The following CUL9 variants were observed in gnomAD, a reference collection of about 807,000 sequenced individuals.
CUL9 encodes the protein cullin-9.
In CUL9, 79 loss-of-function variants were observed where a neutral mutation model predicts 272.6. The observed-to-expected ratio is 0.29, with a 90% CI of 0.24 to 0.35. The LOEUF (loss-of-function observed/expected upper bound fraction) is 0.35. Among genes scored for constraint, CUL9 ranks in the 10% least tolerant of loss-of-function variants. The probability of loss-of-function intolerance (pLI) is 1.00; values close to 1 mark genes in which losing one functional copy is unlikely to be tolerated. For synonymous variants in CUL9, 1,186 were observed against 1,286.5 expected (o/e 0.92, Z 1.67); for missense variants, 2,532 against 3,255.6 (o/e 0.78, Z 5.41).
intron 8 of CUL9, among the ~76,000 whole-genome samples, chr6:43,189,616 T>C (rs988318950): frequency 6.6e-6 from 1 of 152,162 alleles, no homozygotes; most frequent in Non-Finnish European, 1.5e-5. Flanking sequence ...TGATCTTGGC[T>C]CACTGCAACC....
At position 43,221,052 on chromosome 6, in the gene CUL9, T is replaced by C; in HGVS notation, c.6589-106T>C. On this transcript the variant is annotated intron_variant, in intron 33 of 40. Transcript: ENST00000252050. The surrounding 1 kb of genome is among the most constrained non-coding windows in gnomAD (Gnocchi z 4.2). ...CCCAGTTGAGCTCTGTTCCTCTTCCTGGAGCCCTCCAAATGTGATCTGTGC... is the reference window on the plus strand; with the variant it reads ...CCCAGTTGAGCTCTGTTCCTCTTCCCGGAGCCCTCCAAATGTGATCTGTGC... 6.7e-7 allele frequency: 1 copy of C among 1,483,028 alleles called. No individual in the cohort carries two copies. Among genetic ancestry groups the C allele is most frequent in the Non-Finnish European group, 9.0e-7 (1 of 1,104,982 alleles). 91.9% of individuals were successfully genotyped at this position (1,483,028 alleles called of 1,614,324 possible). A position where few individuals can be genotyped will look rare whatever the true frequency, so the allele number is the denominator to read the frequency against.
chr6:43,217,998 G>A (rs899771500), intron 31 of CUL9, among the ~76,000 whole-genome samples: 13 of 152,118 alleles, frequency 8.5e-5, no homozygotes, highest in Non-Finnish European at 1.5e-5. Flanking sequence ...GACACTCAGA[G>A]GTGAAGTAAT....
In CUL9 at chr6:43,221,546, AGGGCT is replaced by A; in HGVS notation, c.6753-135_6753-131del. 1 of 888,184 alleles carries A rather than the reference AGGGCT, an allele frequency of 1.1e-6. No homozygotes were observed. The highest frequency in any genetic ancestry group is 1.7e-6 in the Non-Finnish European group (1 of 584,724). 55.0% of individuals were successfully genotyped at this position (888,184 alleles called of 1,614,324 possible). ...GTTCAAAAGCAGAGGTGCATTCAGC[AGGGCT>A]GGGTATGACTAAGGAGACTATCAGG... On this transcript the variant is annotated intron_variant, in intron 34 of 40. Transcript: ENST00000252050. The surrounding 1 kb of genome is among the most constrained non-coding windows in gnomAD (Gnocchi z 4.2).
chr6:43,187,154 T>G, intron 5 of CUL9, 59 bp downstream of exon 5: 1 of 1,606,278 alleles, frequency 6.2e-7, no homozygotes. Context: ...GTGACTGGGA[T>G]GAAGCCACTT....
In CUL9 at chr6:43,188,659, T is replaced by C; in HGVS notation, c.2124T>C (p.Ala708=). ...QLSGLSALSQ[A]VEEVTERDHP... Reference sequence around the variant, plus strand: ...CAGGGCTCTCTGCCCTCTCTCAGGCTGTGGAGGAGGTCACTGAGCGGGACC... The same window carrying C: ...CAGGGCTCTCTGCCCTCTCTCAGGCCGTGGAGGAGGTCACTGAGCGGGACC... The change falls in exon 8 of 41, where the codon GCT becomes GCC. Residue 708 remains alanine, a synonymous_variant. Transcript: ENST00000252050. The C allele has an allele frequency of 6.2e-7, 1 of 1,614,126 alleles. No individual in the cohort carries two copies. Among genetic ancestry groups the C allele is most frequent in the Non-Finnish European group, 8.5e-7 (1 of 1,180,018 alleles).
chr6:43,205,866 G>T, intron 24 of CUL9, 141 bp from the exon 25 acceptor site: 1 of 650,538 alleles, frequency 1.5e-6, no homozygotes, highest in Non-Finnish European at 2.6e-6. Context: ...GTCATGCATT[G>T]GTGGAAAGGG....
In CUL9 at chr6:43,223,587, C is replaced by T; in HGVS notation, c.7284+190C>T. ...CTGATGCTGCTGGACCCTATCACTT[C>T]ACCTCCTGGGGATTCCTACAAAATA... On this transcript the variant is annotated intron_variant, in intron 39 of 40. Coordinates refer to ENST00000252050, the MANE Select transcript of CUL9 (RefSeq NM_015089.4). This position sits in a 1 kb window ranked among gnomAD's most constrained non-coding sequence, Gnocchi z 4.1. 5 of 688,782 alleles carry T rather than the reference C, an allele frequency of 7.3e-6. No individual in the cohort carries two copies. In the South Asian group the frequency reaches 1.0e-4, roughly 14 times the overall value. 42.7% of individuals were successfully genotyped at this position (688,782 alleles called of 1,614,324 possible). A position where few individuals can be genotyped will look rare whatever the true frequency, so the allele number is the denominator to read the frequency against.
At chr6:43,198,306 G>C (rs1774192909) in intron 11 of CUL9, 1 of 980,454 alleles carries the variant, frequency 1.0e-6, no homozygotes, top group African/African-American at 1.7e-5. Context: ...AGGTAGTACA[G>C]GGATATAATC....
Position 43,203,764 on chromosome 6 carries a change from CAG to C in CUL9, c.4026-89_4026-88del, listed in dbSNP as rs751634556. 143 of 1,535,848 alleles carry C rather than the reference CAG, an allele frequency of 9.3e-5. No individual in the cohort carries two copies. The highest frequency in any genetic ancestry group is 4.8e-4 in the Middle Eastern group (2 of 4,140). The stretch of plus-strand genomic sequence containing the variant: ...GGGAAAAGTTGGGTCAGGGACCGAA[CAG>C]GGGTGATTGGGAGCTGATCTGCACT... On this transcript the variant is annotated intron_variant, in intron 19 of 40. Coordinates refer to ENST00000252050, the MANE Select transcript of CUL9 (RefSeq NM_015089.4). The surrounding 1 kb of genome is among the most constrained non-coding windows in gnomAD (Gnocchi z 5.0).
intron 24 of CUL9, 48 bp downstream of exon 24, chr6:43,205,471 G>C: frequency 6.3e-7 from 1 of 1,587,680 alleles, no homozygotes; most frequent in Non-Finnish European, 8.6e-7. Context: ...TAGATCTAGA[G>C]AGTGGAAAGA....
In CUL9 at chr6:43,184,237, C is replaced by G; in HGVS notation, c.-9-65C>G. The G allele has an allele frequency of 1.6e-6, 2 of 1,243,336 alleles. No homozygotes were observed. Among genetic ancestry groups the G allele is most frequent in the Admixed American group, 3.2e-5 (1 of 30,976 alleles). 77.0% of individuals were successfully genotyped at this position (1,243,336 alleles called of 1,614,324 possible). ...CCCACCTTCTCTGTGTCTCAAGATT[C>G]CACCCCCTCCATGTATTTTTTTTCT... On this transcript the variant is annotated intron_variant, in intron 1 of 40. Transcript: ENST00000252050. This position sits in a 1 kb window ranked among gnomAD's most constrained non-coding sequence, Gnocchi z 4.8.
intron 21 of CUL9, 90 bp from the exon 22 acceptor site, chr6:43,204,658 A>G: frequency 6.3e-7 from 1 of 1,578,456 alleles, no homozygotes; most frequent in Non-Finnish European, 8.7e-7. Context: ...CCTGAGACCT[A>G]CTGGCCTTTC....
At chr6:43,201,675 T>G (rs1183669993) in intron 16 of CUL9, among the ~76,000 whole-genome samples, 1 of 152,102 alleles carries the variant, frequency 6.6e-6, no homozygotes, top group East Asian at 1.9e-4. Flanking sequence ...GAGACGGGGT[T>G]TCACCGTGTT....
chr6:43,202,947 A>AG, intron 17 of CUL9, 126 bp downstream of exon 17: 3 of 1,208,594 alleles, frequency 2.5e-6, no homozygotes, highest in Non-Finnish European at 3.6e-6. Flanking sequence ...TTGCCTTGTA[A>AG]GCAGTGAGAG....
rs1776356896 is a variant in CUL9, at chr6:43,221,415, C to A, written c.6752+94C>A. On this transcript the variant is annotated intron_variant, in intron 34 of 40. Transcript: ENST00000252050. The surrounding 1 kb of genome is among the most constrained non-coding windows in gnomAD (Gnocchi z 4.2). ...GGAACGGGCTTAGTGTAAAGCTCAG[C>A]AAAAGAGGGTGGTTCCTCAGCCGCC... The A allele has an allele frequency of 5.6e-6, 8 of 1,418,620 alleles. No individual in the cohort carries two copies. The South Asian group carries it at 9.3e-5, about 17-fold the overall frequency. The allele number at this position is 1,418,620 out of a possible 1,614,324, so 87.9% of individuals were successfully genotyped here. A position where few individuals can be genotyped will look rare whatever the true frequency, so the allele number is the denominator to read the frequency against.
Position 43,206,182 on chromosome 6 carries a change from A to C in CUL9, c.4969A>C (p.Lys1657Gln). ...CCTCTTCCAGCTCCAGCGGCTCGAC[A>C]AGTTGTTCTTGGAGCAGGAAGATGA... is the stretch of plus-strand genomic sequence containing the variant. ...FHLFQLQRLD[K>Q]LFLEQEDEEE... Residue 1657 changes from lysine to glutamine, a missense_variant, in exon 25 of 41, where the codon AAG becomes CAG. By Grantham distance (53) the Lys-to-Gln change is moderately conservative. Coordinates refer to ENST00000252050, the MANE Select transcript of CUL9 (RefSeq NM_015089.4). The surrounding 1 kb of genome is among the most constrained non-coding windows in gnomAD (Gnocchi z 4.8). 2 of 1,613,452 alleles carry C rather than the reference A, an allele frequency of 1.2e-6. No homozygotes were observed. The highest frequency in any genetic ancestry group is 1.7e-6 in the Non-Finnish European group (2 of 1,179,766).
In CUL9 at chr6:43,220,735, G is replaced by A; in HGVS notation, c.6424-12G>A. The stretch of plus-strand genomic sequence containing the variant: ...GCCATACCCTCACCTCGTGGCACCT[G>A]CGTCTCCACAGTATGAGAAGGCGCT... On this transcript the variant is annotated splice_polypyrimidine_tract_variant and intron_variant, in intron 32 of 40. Coordinates refer to ENST00000252050, the MANE Select transcript of CUL9 (RefSeq NM_015089.4). This position sits in a 1 kb window ranked among gnomAD's most constrained non-coding sequence, Gnocchi z 4.9. 1 of 1,610,990 alleles carries A rather than the reference G, an allele frequency of 6.2e-7. No individual in the cohort carries two copies. The highest frequency in any genetic ancestry group is 8.5e-7 in the Non-Finnish European group (1 of 1,178,990).
intron 8 of CUL9, among the ~76,000 whole-genome samples, chr6:43,189,829 C>G (rs1214613721): frequency 2.0e-5 from 3 of 152,192 alleles, no homozygotes; most frequent in Non-Finnish European, 4.4e-5. Flanking sequence ...CCACCATGCC[C>G]AGCCGCATTC....
rs1775709429 is a variant in CUL9, at chr6:43,213,647, G to T, written c.5489-66G>T. On this transcript the variant is annotated intron_variant, in intron 28 of 40. Transcript: ENST00000252050. This position sits in a 1 kb window ranked among gnomAD's most constrained non-coding sequence, Gnocchi z 5.7. The stretch of plus-strand genomic sequence containing the variant: ...AAGATGGGGGGACTGTGAGAATGGG[G>T]TCATCTTAGTCCCCATTCATCTGTC... 1.5e-5 allele frequency: 24 copies of T among 1,604,960 alleles called. No individual in the cohort carries two copies. The highest frequency in any genetic ancestry group is 2.0e-5 in the Non-Finnish European group (23 of 1,174,858).
Sources: gnomAD v4.1 joint callset for allele counts (sites outside exome capture counted in the v4.1 genomes callset) on GRCh38, gnomAD v4.1.1 for gene constraint, Gnocchi (gnomAD v3.1) non-coding constraint, MANE v1.5 for transcripts, NCBI Gene and HGNC (gene_info 2026-07-23, HGNC 2026-07-21) for gene names.